The following TGFBR3 variants were observed in gnomAD, a reference collection of about 807,000 sequenced individuals.
TGFBR3 encodes transforming growth factor beta receptor type 3.
In TGFBR3, 46 loss-of-function variants were observed where a neutral mutation model predicts 87.9. The ratio of observed to expected loss-of-function variants is 0.52; its 90% CI spans 0.41 to 0.67. The LOEUF is 0.67. TGFBR3 is among the 30% of genes least tolerant of loss of function. TGFBR3 has a pLI of 0.00. For missense variants in TGFBR3, 866 were observed against 1,041.9 expected, an observed-to-expected ratio of 0.83 and a Z score of 2.32; for synonymous variants, 381 against 391.6, an observed-to-expected ratio of 0.97 and a Z score of 0.32.
Position 91,682,635 on chromosome 1 carries a change from A to G in TGFBR3, c.*1104T>C. ...ACACTATTCAGATAACCAACTGGAG[A>G]CCGACAGGATTTGCCATGCATTTGC... On this transcript the variant is annotated 3_prime_UTR_variant, in exon 17 of 17. Transcript: ENST00000212355. 2.2e-6 allele frequency: 1 copy of G among 453,786 alleles called. No homozygotes were observed. Among genetic ancestry groups the G allele is most frequent in the South Asian group, 1.6e-5 (1 of 64,444 alleles). The allele number at this position is 453,786 out of a possible 1,614,324, so 28.1% of individuals were successfully genotyped here.
chr1:91,712,157 T>TCAAAAAATCC, intron 13 of TGFBR3, 86 bp downstream of exon 13: 1 of 1,320,034 alleles, frequency 7.6e-7, no homozygotes, highest in South Asian at 1.2e-5. Context: ...ACAAAAAACC[T>TCAAAAAATCC]CAACCTGCAA....
rs71586711 is a variant in TGFBR3 at position 91,753,390 on chromosome 1, C to CAAAAAA, written c.384+5217_384+5222dup. Among the ~76,000 whole-genome samples the CAAAAAA allele has an allele frequency of 7.1e-4, 37 of 52,356 alleles. 4 individuals are homozygous for CAAAAAA. The highest frequency in any genetic ancestry group is 1.7e-3 in the African/African-American group (19 of 11,272). The allele number at this position is 52,356 out of a possible 152,430, so 34.3% of individuals were successfully genotyped here. ...GAGTAAGGGAGTGAGACTCTGTCCT[C>CAAAAAA]AAAAAAAAAAAAAAAAAAAAAAAAA... is the stretch of plus-strand genomic sequence containing the variant. On this transcript the variant is annotated intron_variant, in intron 4 of 16. Coordinates refer to ENST00000212355, the MANE Select transcript of TGFBR3 (RefSeq NM_003243.5).
At chr1:91,904,113 G>A (rs1041520279) in intron 1 of TGFBR3, among the ~76,000 whole-genome samples, 1 of 152,160 alleles carries the variant, frequency 6.6e-6, no homozygotes, top group African/African-American at 2.4e-5. Flanking sequence ...GAACCCAGGA[G>A]GCAGAGGCTG....
At chr1:91,710,687 T>G (rs767154769) in intron 13 of TGFBR3, among the ~76,000 whole-genome samples, 1 of 152,292 alleles carries the variant, frequency 6.6e-6, no homozygotes, top group Middle Eastern at 3.4e-3. Flanking sequence ...GGGCTGTCAT[T>G]GTACATACTG....
chr1:91,824,993 G>C (rs980964493), intron 2 of TGFBR3, among the ~76,000 whole-genome samples: 5 of 152,092 alleles, frequency 3.3e-5, no homozygotes, highest in African/African-American at 9.7e-5. Flanking sequence ...CAACCACTTT[G>C]AAAAAGAGTT....
chr1:91,835,619 G>A (rs887383934), intron 2 of TGFBR3, among the ~76,000 whole-genome samples: 1 of 151,948 alleles, frequency 6.6e-6, no homozygotes, highest in Non-Finnish European at 1.5e-5. Flanking sequence ...ATGAGGTCAG[G>A]AGATCGAGAC....
chr1:91,694,143 C>T (rs1003865461), intron 16 of TGFBR3, among the ~76,000 whole-genome samples: 2 of 152,144 alleles, frequency 1.3e-5, no homozygotes, highest in Non-Finnish European at 2.9e-5. Flanking sequence ...AGATGCACAC[C>T]ACCACGCCAT....
In TGFBR3 at chr1:91,832,374, T is replaced by TC. The variant is rs72510787; in HGVS notation, c.61+29096_61+29097insG. Among the ~76,000 whole-genome samples, 783 of 151,834 alleles carry TC rather than the reference T, an allele frequency of 5.2e-3. 12 individuals carry two copies. The highest frequency in any genetic ancestry group is 0.018 in the African/African-American group (756 of 41,354). The stretch of plus-strand genomic sequence containing the variant: ...TACAGGAATTTTAAATTTGCATTTT[T>TC]TCCCCATTATATGACCCTCAAAATA... On this transcript the variant is annotated intron_variant, in intron 2 of 16. Transcript: ENST00000212355.
At chr1:91,704,327 C>A (rs1373826151) in intron 14 of TGFBR3, among the ~76,000 whole-genome samples, 49 of 131,466 alleles carry the variant, frequency 3.7e-4, no homozygotes, top group African/African-American at 6.4e-4. Context: ...GACTTTGTCT[C>A]AAAAAAAAAA....
Position 91,682,397 on chromosome 1 carries a change from T to G in TGFBR3, c.*1342A>C. 2.4e-6 allele frequency: 1 copy of G among 422,510 alleles called. No individual in the cohort carries two copies. Among genetic ancestry groups the G allele is most frequent in the Non-Finnish European group, 4.6e-6 (1 of 219,624 alleles). 26.2% of individuals were successfully genotyped at this position (422,510 alleles called of 1,614,324 possible). The stretch of plus-strand genomic sequence containing the variant: ...ATAATTTAGCATGATAATTCCCCCC[T>G]GGCATTCTTTTTTTTTTTTTTTTTT... On this transcript the variant is annotated 3_prime_UTR_variant, in exon 17 of 17. Coordinates refer to ENST00000212355, the MANE Select transcript of TGFBR3 (RefSeq NM_003243.5).
chr1:91,692,821 C>T (rs1351998725), intron 16 of TGFBR3, among the ~76,000 whole-genome samples: 1 of 152,192 alleles, frequency 6.6e-6, no homozygotes, highest in Non-Finnish European at 1.5e-5. Context: ...AAGTAGATAT[C>T]CACAATCCAA....
At chr1:91,800,285 CATAT>C (rs1336940113) in intron 2 of TGFBR3, among the ~76,000 whole-genome samples, 1 of 142,828 alleles carries the variant, frequency 7.0e-6, no homozygotes, top group African/African-American at 2.6e-5. Flanking sequence ...CACACTCACG[CATAT>C]ATATACATAT....
chr1:91,879,279 AT>A (rs66594811), intron 1 of TGFBR3, among the ~76,000 whole-genome samples: 38,692 of 150,966 alleles, frequency 0.26, 5,290 homozygotes, highest in Non-Finnish European at 0.31. Context: ...AAAAAAAAAA[AT>A]AACCATTAAA....
chr1:91,720,012 T>C lies in TGFBR3; in HGVS notation c.1294A>G (p.Ile432Val), dbSNP rs1382621517. The change falls in exon 9 of 17, where the codon ATA (isoleucine) becomes GTA (valine). Residue 432 changes from isoleucine (I) to valine (V), a missense_variant. By Grantham distance (29) the Ile-to-Val change is conservative (BLOSUM62 3). Coordinates refer to ENST00000212355, the MANE Select transcript of TGFBR3 (RefSeq NM_003243.5). ...PRPKDPVIPSIQLFPGLREPE... is the reference protein window; with the variant it reads ...PRPKDPVIPSVQLFPGLREPE... ...TCTCTGAGACCAGGAAACAGTTGTATGCTGGGAATGACAGGGTCCTTTGGC... is the reference window on the plus strand; with the variant it reads ...TCTCTGAGACCAGGAAACAGTTGTACGCTGGGAATGACAGGGTCCTTTGGC... 1.2e-6 allele frequency: 2 copies of C among 1,614,236 alleles called. No individual in the cohort carries two copies. Among genetic ancestry groups the C allele is most frequent in the South Asian group, 1.1e-5 (1 of 91,082 alleles).
chr1:91,904,990 A>G (rs1679814743), intron 1 of TGFBR3, among the ~76,000 whole-genome samples: 1 of 152,110 alleles, frequency 6.6e-6, no homozygotes, highest in African/African-American at 2.4e-5. Context: ...ATGAGCCACC[A>G]TGCCTGGCCA....
At chr1:91,762,792 G>A (rs1218473095) in intron 3 of TGFBR3, among the ~76,000 whole-genome samples, 1 of 152,202 alleles carries the variant, frequency 6.6e-6, no homozygotes, top group African/African-American at 2.4e-5. Context: ...GCAGTTACCT[G>A]TGCAATGCAA....
chr1:91,682,941 AT>A lies in TGFBR3; in HGVS notation c.*797del. ...TATACATTAATTTGCAGAACAAAAT[AT>A]TAGGAATGGGCACAAATCTGTGGTT... On this transcript the variant is annotated 3_prime_UTR_variant, in exon 17 of 17. Coordinates refer to ENST00000212355, the MANE Select transcript of TGFBR3 (RefSeq NM_003243.5). 2.2e-6 allele frequency: 1 copy of A among 454,398 alleles called. No individual in the cohort carries two copies. Among genetic ancestry groups the A allele is most frequent in the South Asian group, 1.6e-5 (1 of 64,460 alleles). The allele number at this position is 454,398 out of a possible 1,614,324, so 28.1% of individuals were successfully genotyped here.
At position 91,734,737 on chromosome 1, in the gene TGFBR3, T is replaced by C. The variant is rs201110235; in HGVS notation, c.568+39A>G. On this transcript the variant is annotated intron_variant, in intron 5 of 16. Coordinates refer to ENST00000212355, the MANE Select transcript of TGFBR3 (RefSeq NM_003243.5). ...TTTCAGAAAAGAAAACAATTGCCTG[T>C]CATAAATCAGTCATTAACTGAAGCC... 1.1e-4 allele frequency: 171 copies of C among 1,606,966 alleles called. No individual in the cohort carries two copies. The African/African-American group carries it at 2.1e-3, about 20-fold the overall frequency.
chr1:91,903,652 G>A (rs986433755), intron 1 of TGFBR3, among the ~76,000 whole-genome samples: 6 of 151,988 alleles, frequency 3.9e-5, no homozygotes, highest in African/African-American at 1.5e-4. Context: ...TGAGAGGATC[G>A]TTTGAGCTTA....
Sources: gnomAD v4.1 joint callset for allele counts (sites outside exome capture counted in the v4.1 genomes callset) on GRCh38, gnomAD v4.1.1 for gene constraint, MANE v1.5 for transcripts, NCBI Gene and HGNC (gene_info 2026-07-23, HGNC 2026-07-21) for gene names.